Variants in RBM48 observed in about 807,000 individuals in gnomAD.
The protein encoded by RBM48 is RNA binding motif protein 48.
RBM48 carries 32 observed loss-of-function variants against 34.8 expected under a neutral mutation model. That is an observed-to-expected ratio of 0.92 (90% CI 0.69 to 1.23). The LOEUF (loss-of-function observed/expected upper bound fraction) is 1.23, where lower values mean the gene tolerates loss of function less well. Among genes scored for constraint, RBM48 ranks in the 50% most tolerant of loss-of-function variants. The pLI, the probability that RBM48 is intolerant of heterozygous loss-of-function variation, is 0.00. For synonymous variants in RBM48, 151 were observed against 156.2 expected (o/e 0.97, Z 0.25); for missense variants, 441 against 447.2 (o/e 0.99, Z 0.12).
intron 1 of RBM48, 46 bp downstream of exon 1, chr7:92,528,970 G>C: frequency 7.4e-7 from 1 of 1,344,098 alleles, no homozygotes; most frequent in Non-Finnish European, 1.1e-6. Context: ...AGCTTTATGT[G>C]AGTGCTAGCG....
In RBM48 at chr7:92,529,482, A is replaced by G. The variant is rs1300681474; in HGVS notation, c.118A>G (p.Thr40Ala). 3 of 1,591,360 alleles carry G rather than the reference A, an allele frequency of 1.9e-6. No individual in the cohort carries two copies. The highest frequency in any genetic ancestry group is 2.7e-5 in the African/African-American group (2 of 74,256). The change falls in exon 2 of 5, where the codon ACA becomes GCA. Residue 40 changes from threonine (T) to alanine (A), a missense_variant. Physicochemically the swap from Thr to Ala is moderately conservative, Grantham distance 58 (BLOSUM62 0). Coordinates refer to ENST00000265732, the MANE Select transcript of RBM48 (RefSeq NM_032120.4). ...GRRPRAVKVY[T>A]INLESQYLLI... ...AACTCTGCATTTCTTTCAGGTATATACAATCAATTTGGAATCTCAGTACTT... is the reference window on the plus strand; with the variant it reads ...AACTCTGCATTTCTTTCAGGTATATGCAATCAATTTGGAATCTCAGTACTT...
In RBM48 at chr7:92,536,187, T is replaced by C. The variant is rs111288099; in HGVS notation, c.1018-664T>C. 100 of 985,402 alleles carry C rather than the reference T, an allele frequency of 1.0e-4. No homozygotes were observed. In the African/African-American group the frequency reaches 1.6e-3, roughly 15 times the overall value. 61.0% of individuals were successfully genotyped at this position (985,402 alleles called of 1,614,324 possible). A position where few individuals can be genotyped will look rare whatever the true frequency, so the allele number is the denominator to read the frequency against. Reference sequence around the variant, plus strand: ...CTTACTTCCTTCCTTCAGTTACAGCTGAACTGAGGCATAGACATAGATACA... The same window carrying C: ...CTTACTTCCTTCCTTCAGTTACAGCCGAACTGAGGCATAGACATAGATACA... On this transcript the variant is annotated intron_variant, in intron 4 of 4. Coordinates refer to ENST00000265732, the MANE Select transcript of RBM48 (RefSeq NM_032120.4).
At chr7:92,532,814 G>T (rs1793609442) in intron 3 of RBM48, among the ~76,000 whole-genome samples, 1 of 152,228 alleles carries the variant, frequency 6.6e-6, no homozygotes, top group Middle Eastern at 3.2e-3. Context: ...GAGAGGAAAA[G>T]ATGGAAAGGC....
rs779797444 is a variant in RBM48 at position 92,537,900 on chromosome 7, C to A, written c.*963C>A. On this transcript the variant is annotated 3_prime_UTR_variant, in exon 5 of 5. Coordinates refer to ENST00000265732, the MANE Select transcript of RBM48 (RefSeq NM_032120.4). ...CCCAGGCAGGTATTGAACTCCTGGG[C>A]TCAAGTGATTCACCCACCTCGGCCT... 3 of 152,126 alleles carry A rather than the reference C, an allele frequency of 2.0e-5. No homozygotes were observed. The highest frequency in any genetic ancestry group is 4.4e-5 in the Non-Finnish European group (3 of 68,058). 9.4% of individuals were successfully genotyped at this position (152,126 alleles called of 1,614,324 possible).
rs375632579 is a variant in RBM48 at position 92,529,598 on chromosome 7, A to G, written c.234A>G (p.Leu78=). Residue 78 remains leucine (L), a synonymous_variant, in exon 2 of 5, where the codon CTA becomes CTG. Transcript: ENST00000265732. Reference sequence around the variant, plus strand: ...GTGCAATTGAACAGTACAATGCTCTAGATGAATACCCAGCAGAAGACTTTA... The same window carrying G: ...GTGCAATTGAACAGTACAATGCTCTGGATGAATACCCAGCAGAAGACTTTA... ...LYGAIEQYNA[L]DEYPAEDFTE... 142 of 1,610,634 alleles carry G rather than the reference A, an allele frequency of 8.8e-5. No individual in the cohort carries two copies. Among genetic ancestry groups the G allele is most frequent in the Non-Finnish European group, 1.1e-4 (134 of 1,177,528 alleles).
rs1003074677 is a variant in RBM48 at position 92,539,712 on chromosome 7, C to T, written c.*2775C>T. Among the ~76,000 whole-genome samples, 3 of 152,094 alleles carry T rather than the reference C, an allele frequency of 2.0e-5. No homozygotes were observed. The highest frequency in any genetic ancestry group is 7.2e-5 in the African/African-American group (3 of 41,424). ...AGACTGTGTCTCAAAAAAAAGTGTT[C>T]TTGTATACCATGTTTGAAAAGCATA... On this transcript the variant is annotated 3_prime_UTR_variant, in exon 5 of 5. Transcript: ENST00000265732.
rs909979406 is a variant in RBM48 at position 92,528,807 on chromosome 7, A to G, written c.-7A>G. 1 of 1,612,312 alleles carries G rather than the reference A, an allele frequency of 6.2e-7. No homozygotes were observed. Among genetic ancestry groups the G allele is most frequent in the Non-Finnish European group, 8.5e-7 (1 of 1,178,380 alleles). On this transcript the variant is annotated 5_prime_UTR_variant, in exon 1 of 5. Coordinates refer to ENST00000265732, the MANE Select transcript of RBM48 (RefSeq NM_032120.4). ...TTGTCCTCCCTGCGAGGATCAAAGTAGGCAAGATGGCGTCGAGCGGCGGGG... is the reference window on the plus strand; with the variant it reads ...TTGTCCTCCCTGCGAGGATCAAAGTGGGCAAGATGGCGTCGAGCGGCGGGG...
Position 92,536,831 on chromosome 7 carries a change from T to TTAAA in RBM48, c.1018-20_1018-19insTAAA. On this transcript the variant is annotated intron_variant, in intron 4 of 4. Transcript: ENST00000265732. ...GCTATAGAAACTAAGTTTTAATGGT[T>TTAAA]CTTTTTTTTTTTTAATTAGGTAATT... 2 of 1,561,554 alleles carry TTAAA rather than the reference T, an allele frequency of 1.3e-6. No individual in the cohort carries two copies. The highest frequency in any genetic ancestry group is 1.7e-6 in the Non-Finnish European group (2 of 1,159,952).
chr7:92,539,266 C>T lies in RBM48; in HGVS notation c.*2329C>T, dbSNP rs1486218336. Among the ~76,000 whole-genome samples the T allele has an allele frequency of 1.3e-5, 2 of 152,222 alleles. No individual in the cohort carries two copies. Among genetic ancestry groups the T allele is most frequent in the African/African-American group, 4.8e-5 (2 of 41,450 alleles). On this transcript the variant is annotated 3_prime_UTR_variant, in exon 5 of 5. Coordinates refer to ENST00000265732, the MANE Select transcript of RBM48 (RefSeq NM_032120.4). ...TCAGATTGGAAGCCTGCCTTTTACACATTGCTTTTTACCACACGTTTCCAG... is the reference window on the plus strand; with the variant it reads ...TCAGATTGGAAGCCTGCCTTTTACATATTGCTTTTTACCACACGTTTCCAG...
At chr7:92,536,673 A>G (rs1452794764) in intron 4 of RBM48, 178 bp from the exon 5 acceptor site, 2 of 1,237,642 alleles carry the variant, frequency 1.6e-6, no homozygotes, top group Admixed American at 4.2e-5. Context: ...TCAGTATTCA[A>G]ATGGAAGACT....
In RBM48 at chr7:92,528,822, G is replaced by A; in HGVS notation, c.9G>A (p.Ser3=). The change falls in exon 1 of 5, where the codon TCG becomes TCA. Residue 3 remains serine (S), a synonymous_variant. Transcript: ENST00000265732. ...GGATCAAAGTAGGCAAGATGGCGTC[G>A]AGCGGCGGGGAGCTAGGGAGTTTAT... is the stretch of plus-strand genomic sequence containing the variant. MA[S]SGGELGSLFD... The A allele has an allele frequency of 6.2e-7, 1 of 1,613,900 alleles. No homozygotes were observed. Among genetic ancestry groups the A allele is most frequent in the Non-Finnish European group, 8.5e-7 (1 of 1,179,840 alleles).
rs377641940 is a variant in RBM48, at chr7:92,536,832, CTT to C, written c.1018-8_1018-7del. 122 of 1,150,154 alleles carry C rather than the reference CTT, an allele frequency of 1.1e-4. No individual in the cohort carries two copies. Among genetic ancestry groups the C allele is most frequent in the Admixed American group, 4.1e-4 (16 of 39,370 alleles). The allele number at this position is 1,150,154 out of a possible 1,614,324, so 71.2% of individuals were successfully genotyped here. A position where few individuals can be genotyped will look rare whatever the true frequency, so the allele number is the denominator to read the frequency against. On this transcript the variant is annotated splice_polypyrimidine_tract_variant and intron_variant, in intron 4 of 4. Transcript: ENST00000265732. Reference sequence around the variant, plus strand: ...CTATAGAAACTAAGTTTTAATGGTTCTTTTTTTTTTTTAATTAGGTAATTTCA... The same window carrying C: ...CTATAGAAACTAAGTTTTAATGGTTCTTTTTTTTTTAATTAGGTAATTTCA...
rs528216420 is a variant in RBM48, at chr7:92,534,437, C to T, written c.484C>T (p.His162Tyr). The change falls in exon 4 of 5, where the codon CAT becomes TAT. Residue 162 changes from histidine to tyrosine, a missense_variant. Transcript: ENST00000265732. ...YVTKKKLVTE[H>Y]KDTEDFRQDF... Reference sequence around the variant, plus strand: ...GACAAAGAAGAAATTGGTTACAGAGCATAAAGACACAGAGGATTTTAGACA... The same window carrying T: ...GACAAAGAAGAAATTGGTTACAGAGTATAAAGACACAGAGGATTTTAGACA... 1.2e-6 allele frequency: 2 copies of T among 1,613,562 alleles called. No homozygotes were observed.
rs1279092987 is a variant in RBM48, at chr7:92,537,463, T to G, written c.*526T>G. On this transcript the variant is annotated 3_prime_UTR_variant, in exon 5 of 5. Coordinates refer to ENST00000265732, the MANE Select transcript of RBM48 (RefSeq NM_032120.4). Reference sequence around the variant, plus strand: ...GTACAGTAATTATATGTAAATTAATTGAAGCAAATATGGAAACTTTACAAT... The same window carrying G: ...GTACAGTAATTATATGTAAATTAATGGAAGCAAATATGGAAACTTTACAAT... 1 of 152,186 alleles carries G rather than the reference T, an allele frequency of 6.6e-6. No individual in the cohort carries two copies. Among genetic ancestry groups the G allele is most frequent in the East Asian group, 1.9e-4 (1 of 5,194 alleles). The allele number at this position is 152,186 out of a possible 1,614,324, so 9.4% of individuals were successfully genotyped here.
rs1360749212 is a variant in RBM48, at chr7:92,537,794, T to C, written c.*857T>C. ...TTTTTCTGTCAGTGGATTACATAAT[T>C]GGAAATTTCAGTACATCTAGACTGT... On this transcript the variant is annotated 3_prime_UTR_variant, in exon 5 of 5. Transcript: ENST00000265732. 6.6e-6 allele frequency: 1 copy of C among 152,222 alleles called. No individual in the cohort carries two copies. The highest frequency in any genetic ancestry group is 1.5e-5 in the Non-Finnish European group (1 of 68,032). 9.4% of individuals were successfully genotyped at this position (152,222 alleles called of 1,614,324 possible). A position where few individuals can be genotyped will look rare whatever the true frequency, so the allele number is the denominator to read the frequency against.
chr7:92,533,604 A>G (rs140422835), intron 3 of RBM48, among the ~76,000 whole-genome samples: 33 of 152,276 alleles, frequency 2.2e-4, no homozygotes, highest in African/African-American at 7.7e-4. Context: ...TTGGCCTTGG[A>G]CACTTTAGTT....
chr7:92,535,317 C>T, intron 4 of RBM48: 1 of 1,172,982 alleles, frequency 8.5e-7, no homozygotes, highest in Non-Finnish European at 1.1e-6. Context: ...AGTTGAGAAG[C>T]AAAAGTATTG....
Position 92,534,873 on chromosome 7 carries a change from TTA to T in RBM48, c.922_923del (p.Met308AspfsTer10), listed in dbSNP as rs767669828. On this transcript the variant is annotated frameshift_variant, in exon 4 of 5. Transcript: ENST00000265732. LOFTEE classifies it high-confidence loss of function. ...CAAACAAACCCAACTGGTAATGAGA[TTA>T]TGATTGGACCTCTGTTACCAGACAT... is the stretch of plus-strand genomic sequence containing the variant. 1 of 1,614,204 alleles carries T rather than the reference TTA, an allele frequency of 6.2e-7. No homozygotes were observed. Among genetic ancestry groups the T allele is most frequent in the Non-Finnish European group, 8.5e-7 (1 of 1,180,016 alleles).
At chr7:92,535,081 T>C in intron 4 of RBM48, 111 bp downstream of exon 4, 2 of 1,499,716 alleles carry the variant, frequency 1.3e-6, no homozygotes, top group African/African-American at 2.8e-5. Context: ...TTTTAGTGTT[T>C]TGATGTGTTT....
Sources: gnomAD v4.1 joint callset for allele counts (sites outside exome capture counted in the v4.1 genomes callset) on GRCh38, gnomAD v4.1.1 for gene constraint, MANE v1.5 for transcripts, NCBI Gene and HGNC (gene_info 2026-07-23, HGNC 2026-07-21) for gene names.